Variants in LAMC2 observed in about 807,000 individuals in gnomAD.
LAMC2 encodes laminin subunit gamma-2.
Under a neutral mutation model 140.2 loss-of-function variants are expected in LAMC2, and 97 were observed. The observed-to-expected ratio is 0.69, with a 90% CI of 0.59 to 0.82. The LOEUF is 0.82. Among genes scored for constraint, LAMC2 ranks in the 40% least tolerant of loss-of-function variants. LAMC2 has a pLI of 0.00. For synonymous variants in LAMC2, 513 were observed against 540.2 expected, an observed-to-expected ratio of 0.95 and a Z score of 0.70; for missense variants, 1,402 against 1,476.1, an observed-to-expected ratio of 0.95 and a Z score of 0.82.
intron 1 of LAMC2, among the ~76,000 whole-genome samples, chr1:183,204,416 T>C (rs1440432312): frequency 6.7e-6 from 1 of 149,500 alleles, no homozygotes; most frequent in Non-Finnish European, 1.5e-5. Context: ...GGCAACATGG[T>C]GAAACCCCGT....
At chr1:183,256,475 C>T in the LAMC2 span, among the ~76,000 whole-genome samples, 1 of 152,054 alleles carries the variant, frequency 6.6e-6, no homozygotes, top group African/African-American at 2.4e-5. Flanking sequence ...AACTTTCCTT[C>T]TATATTTAAA....
Position 183,215,462 on chromosome 1 carries a change from G to C in LAMC2, c.278G>C (p.Ser93Thr). 3 of 1,613,908 alleles carry C rather than the reference G, an allele frequency of 1.9e-6. No homozygotes were observed. Among genetic ancestry groups the C allele is most frequent in the Non-Finnish European group, 2.5e-6 (3 of 1,179,988 alleles). ...PCNCNSKGSL[S>T]ARCDNSGRCS... ...ACCTTGTGGGTTTCAGGTTCTCTTA[G>C]TGCTCGATGTGACAACTCCGGACGG... The change falls in exon 3 of 23, where the codon AGT becomes ACT. Residue 93 changes from serine to threonine, a missense_variant. Physicochemically the swap from Ser to Thr is moderately conservative, Grantham distance 58 (BLOSUM62 1). This residue lies in a region of LAMC2 where 723 missense variants were observed against 783.3 expected (regional missense o/e 0.92). Coordinates refer to ENST00000264144, the MANE Select transcript of LAMC2 (RefSeq NM_005562.3).
In LAMC2 at chr1:183,202,911, T is replaced by C. The variant is rs191431778; in HGVS notation, c.80-4970T>C. On this transcript the variant is annotated intron_variant, in intron 1 of 22. Coordinates refer to ENST00000264144, the MANE Select transcript of LAMC2 (RefSeq NM_005562.3). ...AAGGTCCAAGACAACCATCTATGGG[T>C]TTTTTAAAGTTCAACAGAACATTCA... is the stretch of plus-strand genomic sequence containing the variant. Among the ~76,000 whole-genome samples, 236 of 152,248 alleles carry C rather than the reference T, an allele frequency of 1.6e-3. 3 individuals are homozygous for C. The highest frequency in any genetic ancestry group is 5.3e-3 in the African/African-American group (222 of 41,540).
rs765257487 is a variant in LAMC2 at position 183,245,069 on chromosome 1, G to A, written c.*1669G>A. On this transcript the variant is annotated 3_prime_UTR_variant, in exon 23 of 23. Coordinates refer to ENST00000264144, the MANE Select transcript of LAMC2 (RefSeq NM_005562.3). ...CCAACCATACAGGATTGATGATGCT[G>A]TCAATGAGATTTTTATGAGGTTTAA... Among the ~76,000 whole-genome samples the A allele has an allele frequency of 2.6e-5, 4 of 152,154 alleles. No homozygotes were observed. Among genetic ancestry groups the A allele is most frequent in the Non-Finnish European group, 5.9e-5 (4 of 68,040 alleles).
At chr1:183,226,644 T>G (rs2102229856) in intron 8 of LAMC2, 54 bp from the exon 9 acceptor site, 5,035 of 1,357,666 alleles carry the variant, frequency 3.7e-3, no homozygotes, top group Non-Finnish European at 4.8e-3. Flanking sequence ...AGATCTGACT[T>G]GAGATCTTTA....
intron 2 of LAMC2, 48 bp downstream of exon 2, chr1:183,208,117 A>G (rs544851711): frequency 2.7e-6 from 4 of 1,489,362 alleles, no homozygotes; most frequent in Non-Finnish European, 3.7e-6. Context: ...AGCAGTGGGG[A>G]GACAAGAGGG....
At chr1:183,237,116 T>A (rs536827207) in intron 17 of LAMC2, among the ~76,000 whole-genome samples, 1 of 152,314 alleles carries the variant, frequency 6.6e-6, no homozygotes, top group South Asian at 2.1e-4. Flanking sequence ...TGTAAACATT[T>A]AAAAAATGAA....
intron 1 of LAMC2, among the ~76,000 whole-genome samples, chr1:183,201,637 C>T (rs1334644755): frequency 2.0e-5 from 3 of 152,204 alleles, no homozygotes; most frequent in Admixed American, 6.5e-5. Flanking sequence ...TGGCTGGGTG[C>T]GGTGGCTCAC....
chr1:183,252,599 A>G, the LAMC2 span: 7 of 1,345,050 alleles, frequency 5.2e-6, no homozygotes, highest in South Asian at 2.3e-5. Context: ...GGGGGCTGAC[A>G]AAGATGGAGG....
At chr1:183,249,442 G>A (rs569708989), downstream of LAMC2, 2 of 152,286 alleles carry the variant, frequency 1.3e-5, no homozygotes, top group East Asian at 3.9e-4. Flanking sequence ...GGACATGATT[G>A]TTCCAGTCCA....
At chr1:183,191,121 C>T (rs962400894) in intron 1 of LAMC2, among the ~76,000 whole-genome samples, 1 of 152,124 alleles carries the variant, frequency 6.6e-6, no homozygotes, top group Non-Finnish European at 1.5e-5. Context: ...CTTCCCCAAA[C>T]AATATTTTTA....
At chr1:183,218,073 A>G (rs1659333145) in intron 3 of LAMC2, among the ~76,000 whole-genome samples, 1 of 152,256 alleles carries the variant, frequency 6.6e-6, no homozygotes, top group Non-Finnish European at 1.5e-5. Context: ...TGAGCCAAAC[A>G]GTGAACCAAA....
chr1:183,190,461 G>A (rs570915316), intron 1 of LAMC2, among the ~76,000 whole-genome samples: 29 of 152,022 alleles, frequency 1.9e-4, no homozygotes, highest in African/African-American at 6.5e-4. Context: ...GCAGTTTCAA[G>A]ACTGGATCTC....
At chr1:183,245,850 A>T (rs184124396), downstream of LAMC2, among the ~76,000 whole-genome samples, 102 of 152,290 alleles carry the variant, frequency 6.7e-4, 1 homozygote, top group Non-Finnish European at 1.0e-4. Flanking sequence ...TCATATAAGG[A>T]TTCTTCAATG....
chr1:183,238,277 T>C (rs1399114737), intron 18 of LAMC2, 30 bp from the exon 19 acceptor site: 1 of 1,529,944 alleles, frequency 6.5e-7, no homozygotes, highest in East Asian at 2.2e-5. Context: ...ATGTACTTCC[T>C]CTAATCTTGT....
chr1:183,195,640 G>C (rs1035653502), intron 1 of LAMC2, among the ~76,000 whole-genome samples: 1 of 152,160 alleles, frequency 6.6e-6, no homozygotes, highest in African/African-American at 2.4e-5. Context: ...TTAAAATGTG[G>C]CTATGAAAAA....
intron 1 of LAMC2, among the ~76,000 whole-genome samples, chr1:183,190,468 T>C (rs923476793): frequency 6.6e-6 from 1 of 151,910 alleles, no homozygotes; most frequent in African/African-American, 2.4e-5. Flanking sequence ...CAAGACTGGA[T>C]CTCGTATCAT....
At position 183,232,313 on chromosome 1, in the gene LAMC2, G is replaced by A. The variant is rs1258927116; in HGVS notation, c.1984G>A (p.Asp662Asn). ...RMQQAEQALQ[D>N]ILRDAQISEG... ...GCAGCAGGCTGAGCAGGCCCTTCAG[G>A]ACATTCTGAGAGATGCCCAGATTTC... The change falls in exon 13 of 23, where the codon GAC becomes AAC. Residue 662 changes from aspartate to asparagine, a missense_variant. Coordinates refer to ENST00000264144, the MANE Select transcript of LAMC2 (RefSeq NM_005562.3). 1.2e-6 allele frequency: 2 copies of A among 1,613,946 alleles called. No homozygotes were observed. The highest frequency in any genetic ancestry group is 1.7e-5 in the Admixed American group (1 of 60,002).
At position 183,228,699 on chromosome 1, in the gene LAMC2, T is replaced by C. The variant is rs746891619; in HGVS notation, c.1714+80T>C. The C allele has an allele frequency of 2.8e-5, 43 of 1,563,606 alleles. No individual in the cohort carries two copies. Among genetic ancestry groups the C allele is most frequent in the Non-Finnish European group, 3.4e-5 (39 of 1,143,096 alleles). On this transcript the variant is annotated intron_variant, in intron 11 of 22. Coordinates refer to ENST00000264144, the MANE Select transcript of LAMC2 (RefSeq NM_005562.3). The surrounding 1 kb of genome is among the most constrained non-coding windows in gnomAD (Gnocchi z 4.3). The stretch of plus-strand genomic sequence containing the variant: ...TTGCTTGCCATCTAAGCAGGGACAA[T>C]GGCAGTTCATATCATGATGTTACTT...
Sources: allele counts gnomAD v4.1 joint callset (sites outside exome capture counted in the v4.1 genomes callset), GRCh38; gene constraint gnomAD v4.1.1; regional missense constraint gnomAD v4.1.1; non-coding constraint Gnocchi (gnomAD v3.1); transcripts MANE v1.5; gene names NCBI Gene and HGNC (gene_info 2026-07-23, HGNC 2026-07-21).